The following DNAJC13 variants were observed in gnomAD, a reference collection of about 807,000 sequenced individuals.
DNAJC13 encodes the protein dnaJ homolog subfamily C member 13.
DNAJC13 carries 75 observed loss-of-function variants against 290.5 expected under a neutral mutation model. The observed-to-expected ratio is 0.26, with a 90% CI of 0.21 to 0.31. The LOEUF is 0.31. Ranked by LOEUF, DNAJC13 falls within the 10% of genes least tolerant of loss-of-function variation. The pLI is 1.00. For synonymous variants in DNAJC13, 862 were observed against 892.0 expected (o/e 0.97, Z 0.60); for missense variants, 2,260 against 2,674.5 (o/e 0.85, Z 3.42).
intron 27 of DNAJC13, among the ~76,000 whole-genome samples, chr3:132,483,054 G>A (rs77730084): frequency 0.03 from 4,556 of 152,128 alleles, 121 homozygotes; most frequent in East Asian, 0.1. Context: ...GGCTCATTTC[G>A]AATTGGGCAA....
intron 50 of DNAJC13, 40 bp from the exon 51 acceptor site, chr3:132,523,500 T>A (rs1187830913): frequency 1.3e-6 from 2 of 1,592,048 alleles, no homozygotes; most frequent in South Asian, 2.3e-5. Flanking sequence ...AGCTTCAAGA[T>A]TATTAAGTGA....
chr3:132,526,214 C>G lies in DNAJC13; in HGVS notation c.6314C>G (p.Thr2105Ser). The change falls in exon 53 of 56, where the codon ACT becomes AGT. Residue 2105 changes from threonine to serine, a missense_variant. Physicochemically the swap from Thr to Ser is moderately conservative, Grantham distance 58. Transcript: ENST00000260818. ...AATGGAATGAAAAAGCGAGCAGATACTGTTGGTCTAGCCTGTGAAGCAATT... is the reference window on the plus strand; with the variant it reads ...AATGGAATGAAAAAGCGAGCAGATAGTGTTGGTCTAGCCTGTGAAGCAATT... ...LMNGMKKRAD[T>S]VGLACEAINR... The G allele has an allele frequency of 6.2e-7, 1 of 1,614,076 alleles. No homozygotes were observed. Among genetic ancestry groups the G allele is most frequent in the South Asian group, 1.1e-5 (1 of 91,080 alleles).
chr3:132,444,181 T>A (rs1933169819), intron 2 of DNAJC13, among the ~76,000 whole-genome samples: 2 of 152,172 alleles, frequency 1.3e-5, no homozygotes, highest in Non-Finnish European at 2.9e-5. Flanking sequence ...ATCTAACTCA[T>A]GCCTGACGAT....
chr3:132,463,430 T>A (rs1470630424), intron 16 of DNAJC13, among the ~76,000 whole-genome samples: 1 of 152,042 alleles, frequency 6.6e-6, no homozygotes, highest in African/African-American at 2.4e-5. Context: ...ACAGAGGGAG[T>A]GAACCTAGTT....
chr3:132,491,847 T>A (rs765704677), intron 32 of DNAJC13, among the ~76,000 whole-genome samples: 4 of 152,158 alleles, frequency 2.6e-5, no homozygotes, highest in Non-Finnish European at 5.9e-5. Context: ...TAGCCAGCAA[T>A]TTGAATATAT....
chr3:132,491,474 G>A (rs1935055928), intron 32 of DNAJC13, among the ~76,000 whole-genome samples: 2 of 151,952 alleles, frequency 1.3e-5, no homozygotes, highest in African/African-American at 4.8e-5. Flanking sequence ...TCAGAACAGA[G>A]ATACCCGAAA....
At chr3:132,483,599 C>T in intron 28 of DNAJC13, 22 bp downstream of exon 28, 1 of 1,606,102 alleles carries the variant, frequency 6.2e-7, no homozygotes, top group Non-Finnish European at 8.5e-7. Context: ...TTGAATGTTT[C>T]CATGGTTAAT....
chr3:132,453,177 C>G, intron 6 of DNAJC13, 121 bp from the exon 7 acceptor site: 1 of 820,592 alleles, frequency 1.2e-6, no homozygotes, highest in Non-Finnish European at 1.9e-6. Flanking sequence ...TTATTTGCCT[C>G]TAATACCTAC....
At chr3:132,479,921 A>C (rs547424905) in intron 25 of DNAJC13, among the ~76,000 whole-genome samples, 13 of 152,182 alleles carry the variant, frequency 8.5e-5, no homozygotes. Flanking sequence ...TTATAAGTAC[A>C]AAGAAATTTT....
chr3:132,427,468 G>T (rs1312669679), intron 1 of DNAJC13, among the ~76,000 whole-genome samples: 1 of 151,982 alleles, frequency 6.6e-6, no homozygotes, highest in Non-Finnish European at 1.5e-5. Context: ...CGTTTTATGG[G>T]AAACATAAAT....
rs1416110942 is a variant in DNAJC13 at position 132,480,386 on chromosome 3, C to T, written c.2790C>T (p.Leu930=). 1 of 1,612,624 alleles carries T rather than the reference C, an allele frequency of 6.2e-7. No homozygotes were observed. Among genetic ancestry groups the T allele is most frequent in the African/African-American group, 1.3e-5 (1 of 74,952 alleles). ...TCTTCCAGAAAAATGTTAAGGATCTCATGGATTCAAATGGAATAAGAATCC... is the reference window on the plus strand; with the variant it reads ...TCTTCCAGAAAAATGTTAAGGATCTTATGGATTCAAATGGAATAAGAATCC... ...LILNKKNVKD[L]MDSNGIRILV... The change falls in exon 26 of 56, where the codon CTC becomes CTT. Residue 930 remains leucine (L), a synonymous_variant. Transcript: ENST00000260818.
intron 48 of DNAJC13, among the ~76,000 whole-genome samples, chr3:132,518,775 C>T (rs1463375625): frequency 5.3e-5 from 8 of 152,160 alleles, no homozygotes; most frequent in East Asian, 1.9e-4. Flanking sequence ...ACAGATTGAG[C>T]GATCATAATC....
At chr3:132,523,437 G>A (rs2107745307) in intron 50 of DNAJC13, 103 bp from the exon 51 acceptor site, 4 of 1,355,534 alleles carry the variant, frequency 3.0e-6, no homozygotes, top group South Asian at 2.8e-5. Context: ...TATTATGGCT[G>A]TTTGTGGACT....
At chr3:132,441,055 A>T (rs1276242331) in intron 2 of DNAJC13, among the ~76,000 whole-genome samples, 1 of 152,222 alleles carries the variant, frequency 6.6e-6, no homozygotes, top group Admixed American at 6.5e-5. Flanking sequence ...GCTTTTAATG[A>T]TAAAAGGAAA....
At chr3:132,428,321 T>C (rs1350646951) in intron 1 of DNAJC13, among the ~76,000 whole-genome samples, 1 of 152,236 alleles carries the variant, frequency 6.6e-6, no homozygotes, top group African/African-American at 2.4e-5. Flanking sequence ...TGCCATTCAT[T>C]GGCTGAAATG....
intron 2 of DNAJC13, among the ~76,000 whole-genome samples, chr3:132,440,126 G>A (rs143330760): frequency 9.9e-5 from 15 of 152,270 alleles, no homozygotes; most frequent in African/African-American, 1.4e-4. Flanking sequence ...GTGTGGTGGC[G>A]CAGGCCTGTA....
At chr3:132,526,950 T>C (rs1936277517) in intron 53 of DNAJC13, among the ~76,000 whole-genome samples, 1 of 152,160 alleles carries the variant, frequency 6.6e-6, no homozygotes, top group Non-Finnish European at 1.5e-5. Context: ...TACTAGAGGC[T>C]GGGGTTGGGG....
intron 48 of DNAJC13, among the ~76,000 whole-genome samples, chr3:132,522,152 T>G (rs1004087428): frequency 1.3e-5 from 2 of 152,158 alleles, no homozygotes; most frequent in African/African-American, 4.8e-5. Context: ...CCTAGAGGGT[T>G]TCCGTAAGAT....
At chr3:132,475,180 C>T in intron 22 of DNAJC13, 95 bp downstream of exon 22, 2 of 860,126 alleles carry the variant, frequency 2.3e-6, no homozygotes, top group East Asian at 2.8e-5. Flanking sequence ...AATTACATAT[C>T]TGGTCTTTAC....
Sources: allele counts gnomAD v4.1 joint callset (sites outside exome capture counted in the v4.1 genomes callset), GRCh38; gene constraint gnomAD v4.1.1; transcripts MANE v1.5; gene names NCBI Gene and HGNC (gene_info 2026-07-23, HGNC 2026-07-21).